The following FSTL4 variants were observed in gnomAD, a reference collection of about 807,000 sequenced individuals.
FSTL4 encodes the protein follistatin like 4, also known as follistatin-related protein 4.
A neutral mutation model predicts 78.2 loss-of-function variants in FSTL4; 28 were observed. The ratio of observed to expected loss-of-function variants is 0.36; its 90% CI spans 0.27 to 0.49. The LOEUF (loss-of-function observed/expected upper bound fraction) is 0.49. Ranked by LOEUF, FSTL4 falls within the 20% of genes least tolerant of loss-of-function variation. The pLI is 0.98. For missense variants in FSTL4, 922 were observed against 1,084.9 expected (o/e 0.85, Z 2.11); for synonymous variants, 422 against 440.5 (o/e 0.96, Z 0.53).
chr5:133,213,333 G>A (rs1234222346), intron 13 of FSTL4, among the ~76,000 whole-genome samples: 1 of 152,148 alleles, frequency 6.6e-6, no homozygotes, highest in Non-Finnish European at 1.5e-5. Flanking sequence ...AAAGATATTT[G>A]AAAAGAAAAA....
chr5:133,430,311 G>T (rs1223728435), intron 3 of FSTL4, among the ~76,000 whole-genome samples: 1 of 152,210 alleles, frequency 6.6e-6, no homozygotes, highest in African/African-American at 2.4e-5. Context: ...GAGTGGCCCT[G>T]TGGGGTAGGT....
intron 4 of FSTL4, among the ~76,000 whole-genome samples, chr5:133,337,847 C>G (rs112708300): frequency 0.01 from 1,586 of 152,300 alleles, 28 homozygotes; most frequent in African/African-American, 0.035. Flanking sequence ...TGAGCCAACT[C>G]AGTGGAGTTG....
intron 3 of FSTL4, among the ~76,000 whole-genome samples, chr5:133,562,614 T>C (rs1346740151): frequency 6.6e-6 from 1 of 152,150 alleles, no homozygotes. Context: ...ACAGCCTTGC[T>C]AGAAGCCAGG....
the FSTL4 span, among the ~76,000 whole-genome samples, chr5:133,829,408 A>C: frequency 2.0e-5 from 3 of 152,060 alleles, no homozygotes; most frequent in Non-Finnish European, 2.9e-5. Context: ...AAGAAAGAAA[A>C]AGCTCAAACA....
intron 3 of FSTL4, among the ~76,000 whole-genome samples, chr5:133,411,800 T>C (rs1304778874): frequency 6.6e-6 from 1 of 152,216 alleles, no homozygotes; most frequent in African/African-American, 2.4e-5. Flanking sequence ...TGTATCTGTA[T>C]ACTTAGAAAT....
chr5:133,249,392 G>T lies in FSTL4; in HGVS notation c.894+18C>A, dbSNP rs772323351. 5 of 1,608,192 alleles carry T rather than the reference G, an allele frequency of 3.1e-6. No homozygotes were observed. The Admixed American group carries it at 8.3e-5, about 27-fold the overall frequency. ...AGGGAGGTGCGCTTGAGCTCAGAGTGAATTCCAGGTGACTTACATTGATGT... is the reference window on the plus strand; with the variant it reads ...AGGGAGGTGCGCTTGAGCTCAGAGTTAATTCCAGGTGACTTACATTGATGT... On this transcript the variant is annotated intron_variant, in intron 7 of 15. Transcript: ENST00000265342.
intron 3 of FSTL4, among the ~76,000 whole-genome samples, chr5:133,405,077 C>T (rs1756325424): frequency 6.6e-6 from 1 of 152,238 alleles, no homozygotes; most frequent in African/African-American, 2.4e-5. Context: ...GATGACAGCC[C>T]TGTCTCTCCT....
In FSTL4 at chr5:133,198,252, T is replaced by G. The variant is rs1750200717; in HGVS notation, c.*843A>C. 1 of 152,582 alleles carries G rather than the reference T, an allele frequency of 6.6e-6. No homozygotes were observed. Among genetic ancestry groups the G allele is most frequent in the South Asian group, 2.1e-4 (1 of 4,812 alleles). The allele number at this position is 152,582 out of a possible 1,614,324, so 9.5% of individuals were successfully genotyped here. ...GCACACAGAACTTGTTCTGGTTTTTTGGGGTCCCAACACAGAACCGAGTCC... is the reference window on the plus strand; with the variant it reads ...GCACACAGAACTTGTTCTGGTTTTTGGGGGTCCCAACACAGAACCGAGTCC... On this transcript the variant is annotated 3_prime_UTR_variant, in exon 16 of 16. Coordinates refer to ENST00000265342, the MANE Select transcript of FSTL4 (RefSeq NM_015082.2).
the FSTL4 span, among the ~76,000 whole-genome samples, chr5:133,804,860 C>T: frequency 1.2e-4 from 17 of 144,768 alleles, no homozygotes; most frequent in African/African-American, 3.6e-4. Context: ...AGGAGAACGG[C>T]ATGAACCCGG....
rs192192991 is a variant in FSTL4 at position 133,395,299 on chromosome 5, C to G, written c.409+5439G>C. Among the ~76,000 whole-genome samples, 109 of 152,248 alleles carry G rather than the reference C, an allele frequency of 7.2e-4. 1 individual carries two copies. Among genetic ancestry groups the G allele is most frequent in the African/African-American group, 2.6e-3 (107 of 41,538 alleles). On this transcript the variant is annotated intron_variant, in intron 4 of 15. Coordinates refer to ENST00000265342, the MANE Select transcript of FSTL4 (RefSeq NM_015082.2). ...TTCACTTCTGAGGCCTGCGAGACAA[C>G]GAACCCAGCGGGAGGAATGAACAAC...
chr5:133,225,708 T>C lies in FSTL4; in HGVS notation c.1127A>G (p.Lys376Arg). 3.1e-6 allele frequency: 5 copies of C among 1,612,114 alleles called. No homozygotes were observed. Among genetic ancestry groups the C allele is most frequent in the Non-Finnish European group, 4.2e-6 (5 of 1,179,220 alleles). ...CTGAGTTGAGACATCCACGCCGTTT[T>C]TCAGCCAAGTGATTCTGGGCATGGG... ...GIPMPRITWL[K>R]NGVDVSTQMS... Residue 376 changes from lysine to arginine, a missense_variant, in exon 9 of 16, where the codon AAA becomes AGA. Transcript: ENST00000265342. This position sits in a 1 kb window ranked among gnomAD's most constrained non-coding sequence, Gnocchi z 4.6.
intron 4 of FSTL4, among the ~76,000 whole-genome samples, chr5:133,372,934 C>T (rs901002594): frequency 6.6e-6 from 1 of 152,166 alleles, no homozygotes; most frequent in Non-Finnish European, 1.5e-5. Flanking sequence ...CCTGTGAGAA[C>T]ATCATGGCTG....
chr5:133,390,693 G>C (rs1755826692), intron 4 of FSTL4, among the ~76,000 whole-genome samples: 4 of 152,246 alleles, frequency 2.6e-5, no homozygotes, highest in Admixed American at 2.6e-4. Context: ...CTGCTGGGAA[G>C]TGTTTACTCC....
At chr5:133,348,230 T>C (rs1045835660) in intron 4 of FSTL4, among the ~76,000 whole-genome samples, 12 of 152,178 alleles carry the variant, frequency 7.9e-5, no homozygotes, top group African/African-American at 2.7e-4. Context: ...AAAACAGGCT[T>C]TTGAAAGGTA....
intron 3 of FSTL4, among the ~76,000 whole-genome samples, chr5:133,546,482 G>A (rs1275354237): frequency 7.3e-6 from 1 of 137,674 alleles, no homozygotes; most frequent in African/African-American, 2.8e-5. Flanking sequence ...CTCCAGCCTG[G>A]CTGACAGAGC....
At chr5:133,415,430 C>A (rs1193522668) in intron 3 of FSTL4, among the ~76,000 whole-genome samples, 2 of 152,212 alleles carry the variant, frequency 1.3e-5, no homozygotes, top group Admixed American at 1.3e-4. Flanking sequence ...CTGAGCAGGT[C>A]ACATTAACCA....
intron 3 of FSTL4, among the ~76,000 whole-genome samples, chr5:133,564,325 C>T (rs1441262382): frequency 1.3e-5 from 2 of 152,118 alleles, no homozygotes; most frequent in Non-Finnish European, 2.9e-5. Flanking sequence ...TAATACTAAG[C>T]TTACTTGAAT....
intron 3 of FSTL4, among the ~76,000 whole-genome samples, chr5:133,446,128 T>C (rs976214243): frequency 6.6e-6 from 1 of 152,138 alleles, no homozygotes; most frequent in Admixed American, 6.5e-5. Context: ...CCAGAGCTAT[T>C]TGAGCCCCAC....
chr5:133,571,603 T>C (rs892596191), intron 2 of FSTL4, among the ~76,000 whole-genome samples: 1 of 152,168 alleles, frequency 6.6e-6, no homozygotes, highest in African/African-American at 2.4e-5. Context: ...CACTGTAAAA[T>C]GCTCAGGTGA....
Sources: gnomAD v4.1 joint callset for allele counts (sites outside exome capture counted in the v4.1 genomes callset) on GRCh38, gnomAD v4.1.1 for gene constraint, Gnocchi (gnomAD v3.1) non-coding constraint, MANE v1.5 for transcripts, NCBI Gene and HGNC (gene_info 2026-07-23, HGNC 2026-07-21) for gene names.